The following IFI16 variants were observed in gnomAD, a reference collection of about 807,000 sequenced individuals.
IFI16 encodes the protein gamma-interferon-inducible protein 16.
Under a neutral mutation model 68.4 loss-of-function variants are expected in IFI16, and 49 were observed. That is an observed-to-expected ratio of 0.72 (90% confidence interval 0.57 to 0.91). The LOEUF (loss-of-function observed/expected upper bound fraction) is 0.91. Ranked by LOEUF, IFI16 falls within the 40% of genes least tolerant of loss-of-function variation. The probability of loss-of-function intolerance (pLI) is 0.00; values close to 1 mark genes in which losing one functional copy is unlikely to be tolerated. For missense variants in IFI16, 878 were observed against 942.9 expected (o/e 0.93, Z 0.90); for synonymous variants, 307 against 315.0 (o/e 0.97, Z 0.27).
At chr1:159,049,901 GGGAAAAAA>G (rs1655237716) in intron 9 of IFI16, among the ~76,000 whole-genome samples, 1 of 150,880 alleles carries the variant, frequency 6.6e-6, no homozygotes, top group African/African-American at 2.5e-5. Context: ...AGAACAAGGT[GGGAAAAAA>G]CAGAGCCACC....
chr1:159,051,059 AT>A (rs1249882506), intron 9 of IFI16, among the ~76,000 whole-genome samples: 2 of 151,764 alleles, frequency 1.3e-5, no homozygotes, highest in African/African-American at 4.8e-5. Context: ...CTCTATTTTT[AT>A]TTTATTTGGT....
At chr1:159,045,210 TAAAAAAGA>T (rs563350427) in intron 7 of IFI16, 79 bp from the exon 8 acceptor site, 12 of 691,792 alleles carry the variant, frequency 1.7e-5, no homozygotes, top group Middle Eastern at 4.2e-4. Flanking sequence ...ACATCCTATT[TAAAAAAGA>T]AAAAAGGAAA....
At chr1:159,029,132 T>G (rs903632325) in intron 6 of IFI16, among the ~76,000 whole-genome samples, 16 of 152,218 alleles carry the variant, frequency 1.1e-4, no homozygotes, top group African/African-American at 3.9e-4. Flanking sequence ...TTGGTGTATT[T>G]CGAGGATTCA....
intron 1 of IFI16, among the ~76,000 whole-genome samples, chr1:159,010,866 G>A (rs1652506802): frequency 2.6e-5 from 4 of 152,030 alleles, no homozygotes; most frequent in African/African-American, 9.7e-5. Flanking sequence ...TTAGGAAAAG[G>A]TTACTATTGT....
At chr1:159,046,978 C>A (rs72709545) in intron 8 of IFI16, among the ~76,000 whole-genome samples, 7 of 146,584 alleles carry the variant, frequency 4.8e-5, no homozygotes, top group South Asian at 2.2e-4. Context: ...TGTTATCAAC[C>A]CTTATCCCAG....
chr1:159,041,983 A>G (rs1245774230), intron 7 of IFI16, among the ~76,000 whole-genome samples: 1 of 152,164 alleles, frequency 6.6e-6, no homozygotes, highest in African/African-American at 2.4e-5. Context: ...CTTAGCTCCA[A>G]CCCTTCTAAA....
At chr1:159,003,730 G>A (rs1389953053), upstream of IFI16, among the ~76,000 whole-genome samples, 2 of 152,062 alleles carry the variant, frequency 1.3e-5, no homozygotes, top group African/African-American at 4.8e-5. Flanking sequence ...GCATGAGCTC[G>A]GCTCGCTGCA....
At chr1:159,026,997 C>T (rs566068051) in intron 6 of IFI16, among the ~76,000 whole-genome samples, 84 of 152,176 alleles carry the variant, frequency 5.5e-4, no homozygotes, top group Non-Finnish European at 7.3e-4. Flanking sequence ...TTGACTTCCT[C>T]TTTGCCGATT....
intron 8 of IFI16, among the ~76,000 whole-genome samples, chr1:159,047,783 T>C (rs2101918630): frequency 6.7e-6 from 1 of 149,418 alleles, no homozygotes; most frequent in South Asian, 2.1e-4. Flanking sequence ...TATAATAGAG[T>C]TCTTTCTGAC....
chr1:159,035,642 CG>C (rs1654277549), intron 7 of IFI16, among the ~76,000 whole-genome samples: 1 of 134 alleles, frequency 7.5e-3, no homozygotes, highest in Admixed American at 0.1. Context: ...CCTAGTGACT[CG>C]CAGGTGAGTA....
At chr1:159,024,096 A>G (rs1653502505) in intron 6 of IFI16, among the ~76,000 whole-genome samples, 1 of 152,252 alleles carries the variant, frequency 6.6e-6, no homozygotes, top group Non-Finnish European at 1.5e-5. Flanking sequence ...AAGCGTGATA[A>G]TAATTTTTAT....
chr1:159,039,697 G>A (rs1654511196), intron 7 of IFI16, among the ~76,000 whole-genome samples: 1 of 152,120 alleles, frequency 6.6e-6, no homozygotes, highest in South Asian at 2.1e-4. Context: ...ATCTTTTCCT[G>A]AGAACCTGGA....
chr1:159,001,001 A>AG, upstream of IFI16, among the ~76,000 whole-genome samples: 6 of 152,340 alleles, frequency 3.9e-5, no homozygotes, highest in Admixed American at 3.9e-4. Context: ...TAAGCACAAA[A>AG]GGTGCAAGTC....
rs149606671 is a variant in IFI16 at position 159,018,529 on chromosome 1, C to T, written c.850C>T (p.Pro284Ser). ...NEESTVSEAGPNQTFEVPNKI... is the reference protein window; with the variant it reads ...NEESTVSEAGSNQTFEVPNKI... The stretch of plus-strand genomic sequence containing the variant: ...AGAATCTACTGTATCTGAAGCTGGT[C>T]CTAACCAAACGTTTGAGGTTCCAAA... The change falls in exon 5 of 12, where the codon CCT (proline) becomes TCT (serine). Residue 284 changes from proline (P) to serine (S), a missense_variant. Coordinates refer to ENST00000295809, the MANE Select transcript of IFI16 (RefSeq NM_001376587.1). The T allele has an allele frequency of 8.2e-3, 13,307 of 1,613,796 alleles. 61 individuals are homozygous for T. Among genetic ancestry groups the T allele is most frequent in the Non-Finnish European group, 9.7e-3 (11,474 of 1,179,722 alleles).
upstream of IFI16, among the ~76,000 whole-genome samples, chr1:159,008,331 T>TATG (rs1363343297): frequency 1.3e-5 from 2 of 152,190 alleles, no homozygotes; most frequent in East Asian, 3.8e-4. Flanking sequence ...GACTTTTCTG[T>TATG]ATGATAGCAC....
rs1306523878 is a variant in IFI16, at chr1:159,010,171, G to A, written c.-21+10G>A. On this transcript the variant is annotated intron_variant, in intron 1 of 11. Coordinates refer to ENST00000295809, the MANE Select transcript of IFI16 (RefSeq NM_001376587.1). Reference sequence around the variant, plus strand: ...AAAAATTTCCAGTGAGGTGAGTACTGTTCCTGATTTTGTAAATATGATCTT... The same window carrying A: ...AAAAATTTCCAGTGAGGTGAGTACTATTCCTGATTTTGTAAATATGATCTT... 1 of 152,138 alleles carries A rather than the reference G, an allele frequency of 6.6e-6. No individual in the cohort carries two copies. The highest frequency in any genetic ancestry group is 2.4e-5 in the African/African-American group (1 of 41,418). 9.4% of individuals were successfully genotyped at this position (152,138 alleles called of 1,614,324 possible).
intron 2 of IFI16, 129 bp from the exon 3 acceptor site, chr1:159,015,743 T>C (rs1412453711): frequency 3.0e-6 from 2 of 675,698 alleles, no homozygotes; most frequent in East Asian, 5.5e-5. Context: ...AGAGCTAGAC[T>C]AAAGCACAGC....
chr1:159,052,629 A>C (rs868770170), intron 10 of IFI16: 4 of 152,918 alleles, frequency 2.6e-5, no homozygotes, highest in Admixed American at 2.6e-4. Flanking sequence ...GCCTCTTCTC[A>C]TTCATTAATT....
intron 6 of IFI16, among the ~76,000 whole-genome samples, chr1:159,022,019 A>G (rs551106490): frequency 2.4e-4 from 29 of 120,198 alleles, no homozygotes; most frequent in African/African-American, 8.7e-4. Flanking sequence ...GCGGGAGTGC[A>G]GTGGCGCTAT....
Sources: gnomAD v4.1 joint callset for allele counts (sites outside exome capture counted in the v4.1 genomes callset) on GRCh38, gnomAD v4.1.1 for gene constraint, MANE v1.5 for transcripts, NCBI Gene and HGNC (gene_info 2026-07-23, HGNC 2026-07-21) for gene names.